WWOX: variants seen among roughly 807,000 people sequenced by gnomAD.
WWOX encodes WW domain-containing oxidoreductase.
Under a neutral mutation model 46.2 loss-of-function variants are expected in WWOX, and 69 were observed. The observed-to-expected ratio is 1.49, with a 90% CI of 1.23 to 1.82. The LOEUF (loss-of-function observed/expected upper bound fraction) is 1.82. Ranked by LOEUF, WWOX falls within the 40% of genes most tolerant of loss-of-function variation. The pLI is 0.00. For synonymous variants in WWOX, 359 were observed against 202.6 expected, an observed-to-expected ratio of 1.77 and a Z score of -6.56; for missense variants, 919 against 542.6, an observed-to-expected ratio of 1.69 and a Z score of -6.89.
At chr16:78,516,354 C>T (rs1281662588) in intron 8 of WWOX, among the ~76,000 whole-genome samples, 1 of 152,142 alleles carries the variant, frequency 6.6e-6, no homozygotes. Context: ...ACCTCCAGGT[C>T]AACAGTTAAA....
chr16:78,422,700 C>CAT (rs778154740), intron 6 of WWOX, among the ~76,000 whole-genome samples: 811 of 40,392 alleles, frequency 0.02, 52 homozygotes, highest in Non-Finnish European at 0.023. Context: ...CACACACACA[C>CAT]ATATATATAT....
At chr16:78,591,640 G>C (rs1352097665) in intron 8 of WWOX, among the ~76,000 whole-genome samples, 1 of 152,168 alleles carries the variant, frequency 6.6e-6, no homozygotes, top group African/African-American at 2.4e-5. Context: ...CTGAGTCTCA[G>C]CTGACCAAGC....
intron 8 of WWOX, among the ~76,000 whole-genome samples, chr16:79,044,061 G>A (rs1334834397): frequency 2.0e-5 from 3 of 152,180 alleles, no homozygotes; most frequent in African/African-American, 2.4e-5. Flanking sequence ...GCCCAGACCC[G>A]GTGGCCTGAG....
chr16:78,144,450 C>CACATATATATATATAT (rs1171090089), intron 4 of WWOX, among the ~76,000 whole-genome samples: 1 of 24,934 alleles, frequency 4.0e-5, no homozygotes, highest in African/African-American at 1.2e-4. Context: ...TATATATACA[C>CACATATATATATATAT]ATATATATAT....
intron 8 of WWOX, among the ~76,000 whole-genome samples, chr16:78,528,828 C>G (rs1426586312): frequency 6.6e-6 from 1 of 152,160 alleles, no homozygotes; most frequent in Non-Finnish European, 1.5e-5. Flanking sequence ...TGGTAGAAAT[C>G]AGGCAACCTC....
chr16:78,716,546 C>T (rs1301913245), intron 8 of WWOX, among the ~76,000 whole-genome samples: 1 of 152,080 alleles, frequency 6.6e-6, no homozygotes, highest in Non-Finnish European at 1.5e-5. Context: ...CCTATGTCAC[C>T]TGTGTGTACT....
chr16:78,971,270 C>G (rs1342184536), intron 8 of WWOX, among the ~76,000 whole-genome samples: 1 of 151,646 alleles, frequency 6.6e-6, no homozygotes, highest in Non-Finnish European at 1.5e-5. Flanking sequence ...TCGAGACCAG[C>G]CTGGCCAACA....
intron 8 of WWOX, among the ~76,000 whole-genome samples, chr16:78,913,403 C>T (rs1385810359): frequency 1.3e-5 from 2 of 151,930 alleles, no homozygotes; most frequent in African/African-American, 4.8e-5. Context: ...TTGGCCCCTT[C>T]TCAACCTGAC....
At chr16:78,838,299 C>A (rs1226308120) in intron 8 of WWOX, among the ~76,000 whole-genome samples, 1 of 152,138 alleles carries the variant, frequency 6.6e-6, no homozygotes, top group African/African-American at 2.4e-5. Flanking sequence ...CATGGCGTTG[C>A]AGAGTGACAG....
chr16:78,997,523 T>C (rs1321326614), intron 8 of WWOX, among the ~76,000 whole-genome samples: 1 of 152,194 alleles, frequency 6.6e-6, no homozygotes, highest in Non-Finnish European at 1.5e-5. Context: ...TTCATTGCCC[T>C]TTGCTCTTTC....
At chr16:78,509,782 A>G (rs181063999) in intron 8 of WWOX, among the ~76,000 whole-genome samples, 83 of 152,256 alleles carry the variant, frequency 5.5e-4, no homozygotes, top group Admixed American at 1.6e-3. Context: ...GTGCCTATAA[A>G]CCATTACATT....
intron 5 of WWOX, among the ~76,000 whole-genome samples, chr16:78,203,387 G>A (rs1053119967): frequency 6.6e-6 from 1 of 152,142 alleles, no homozygotes; most frequent in African/African-American, 2.4e-5. Flanking sequence ...ATTCAAAAGG[G>A]AAATATGTTT....
chr16:78,468,492 T>C (rs2667545), intron 8 of WWOX, among the ~76,000 whole-genome samples: 62,992 of 151,968 alleles, frequency 0.41, 15,437 homozygotes, highest in African/African-American at 0.69. Context: ...CATGGAATGC[T>C]GTTCTTGGAA....
intron 8 of WWOX, among the ~76,000 whole-genome samples, chr16:78,786,398 C>T (rs1362719227): frequency 6.6e-6 from 1 of 152,154 alleles, no homozygotes; most frequent in East Asian, 1.9e-4. Context: ...ATTTTCACCA[C>T]ACACAGGATA....
chr16:78,217,436 A>G (rs1245404841), intron 5 of WWOX, among the ~76,000 whole-genome samples: 1 of 152,228 alleles, frequency 6.6e-6, no homozygotes, highest in Non-Finnish European at 1.5e-5. Flanking sequence ...GCAGCAGAAC[A>G]AAAATCGAGG....
intron 6 of WWOX, among the ~76,000 whole-genome samples, chr16:78,413,343 G>C (rs2082725541): frequency 6.6e-6 from 1 of 152,298 alleles, no homozygotes; most frequent in East Asian, 1.9e-4. Context: ...ATTTCACCTG[G>C]GTGCAGGTGG....
intron 8 of WWOX, among the ~76,000 whole-genome samples, chr16:78,962,321 T>TTTTG: frequency 1.1e-5 from 1 of 93,038 alleles, no homozygotes; most frequent in Admixed American, 1.3e-4. Context: ...TTTTTTTTTT[T>TTTTG]TTTTTAAAAA....
intron 5 of WWOX, among the ~76,000 whole-genome samples, chr16:78,164,762 G>A (rs896806054): frequency 2.6e-5 from 4 of 152,130 alleles, no homozygotes; most frequent in African/African-American, 9.7e-5. Flanking sequence ...AGTATTAAAC[G>A]AAACAGAATC....
intron 5 of WWOX, among the ~76,000 whole-genome samples, chr16:78,367,459 A>G (rs1354290720): frequency 1.3e-5 from 2 of 152,024 alleles, no homozygotes; most frequent in Non-Finnish European, 2.9e-5. Context: ...GTGTATTAAT[A>G]TTTTATGCAC....
Sources: gnomAD v4.1 joint callset for allele counts (sites outside exome capture counted in the v4.1 genomes callset) on GRCh38, gnomAD v4.1.1 for gene constraint, MANE v1.5 for transcripts, NCBI Gene and HGNC (gene_info 2026-07-23, HGNC 2026-07-21) for gene names.